TCF12: variants seen among roughly 807,000 people sequenced by gnomAD.
TCF12 encodes the protein DNA-binding protein HTF4.
A neutral mutation model predicts 86.0 loss-of-function variants in TCF12; 45 were observed. The ratio of observed to expected loss-of-function variants is 0.52; its 90% CI spans 0.41 to 0.67. The LOEUF is 0.67. Ranked by LOEUF, TCF12 falls within the 30% of genes least tolerant of loss-of-function variation. TCF12 has a pLI of 0.00. For missense variants in TCF12, 881 were observed against 859.9 expected (o/e 1.02, Z -0.31); for synonymous variants, 330 against 299.6 (o/e 1.10, Z -1.05).
At position 57,106,432 on chromosome 15, in the gene TCF12, A is replaced by C. The variant is rs563532084; in HGVS notation, c.325+14541A>C. On this transcript the variant is annotated intron_variant, in intron 5 of 20. Transcript: ENST00000333725. Reference sequence around the variant, plus strand: ...CCAAAATAAAAAGTTTGTTTAAAAAATAGTAGGCACTTTTGCGTTTGGCTA... The same window carrying C: ...CCAAAATAAAAAGTTTGTTTAAAAACTAGTAGGCACTTTTGCGTTTGGCTA... Among the ~76,000 whole-genome samples, 3 of 152,374 alleles carry C rather than the reference A, an allele frequency of 2.0e-5. No homozygotes were observed. In the East Asian group the frequency reaches 5.8e-4, roughly 29 times the overall value.
intron 3 of TCF12, among the ~76,000 whole-genome samples, chr15:57,044,976 T>G (rs1020792374): frequency 6.6e-6 from 1 of 152,160 alleles, no homozygotes; most frequent in Non-Finnish European, 1.5e-5. Flanking sequence ...TCCAGAATCA[T>G]AGTAGATTTT....
At chr15:57,255,307 C>T (rs1211310569) in intron 16 of TCF12, among the ~76,000 whole-genome samples, 1 of 152,110 alleles carries the variant, frequency 6.6e-6, no homozygotes, top group Non-Finnish European at 1.5e-5. Flanking sequence ...TCCTCCAAAG[C>T]CACCTAGAAA....
chr15:56,924,272 G>A (rs985139223), intron 3 of TCF12, among the ~76,000 whole-genome samples: 2 of 152,030 alleles, frequency 1.3e-5, no homozygotes, highest in Non-Finnish European at 2.9e-5. Flanking sequence ...CAGTCAAGAT[G>A]CAAAAACTGT....
At chr15:57,145,958 C>T (rs79383225) in intron 5 of TCF12, among the ~76,000 whole-genome samples, 3 of 152,156 alleles carry the variant, frequency 2.0e-5, no homozygotes, top group South Asian at 2.1e-4. Flanking sequence ...GTATGGTACC[C>T]GAGATTCTGA....
At chr15:56,921,276 C>T (rs1300943409) in intron 3 of TCF12, among the ~76,000 whole-genome samples, 178 bp downstream of exon 3, 4 of 152,008 alleles carry the variant, frequency 2.6e-5, no homozygotes, top group African/African-American at 9.7e-5. Flanking sequence ...CCTCAGAAAT[C>T]TGTAGGAAAT....
At chr15:57,272,950 T>C (rs183318914) in intron 18 of TCF12, 80 bp from the exon 19 acceptor site, 128 of 1,325,792 alleles carry the variant, frequency 9.7e-5, no homozygotes, top group Non-Finnish European at 1.3e-4. Context: ...TTTCCATCTT[T>C]ACGCTTTATA....
chr15:57,170,435 T>C (rs2055228875), intron 6 of TCF12, among the ~76,000 whole-genome samples: 1 of 150,990 alleles, frequency 6.6e-6, no homozygotes, highest in Non-Finnish European at 1.5e-5. Context: ...AGATAAGCAG[T>C]TTCTGCTTCC....
At chr15:56,919,867 G>A in intron 1 of TCF12, 25 bp from the exon 2 acceptor site, 1 of 1,607,150 alleles carries the variant, frequency 6.2e-7, no homozygotes, top group Non-Finnish European at 8.5e-7. Flanking sequence ...GTGGTCTCTC[G>A]CTGAGCCCGT....
At chr15:57,031,854 C>T (rs1309095569) in intron 3 of TCF12, among the ~76,000 whole-genome samples, 1 of 152,162 alleles carries the variant, frequency 6.6e-6, no homozygotes, top group Non-Finnish European at 1.5e-5. Flanking sequence ...TTTCTTACAA[C>T]TTAGTCCCAG....
At chr15:57,166,532 T>C in intron 6 of TCF12, 66 bp downstream of exon 6, 1 of 1,335,972 alleles carries the variant, frequency 7.5e-7, no homozygotes. Flanking sequence ...GCTCTATTAA[T>C]AGATGAGATA....
intron 4 of TCF12, among the ~76,000 whole-genome samples, chr15:57,072,249 T>C (rs939402333): frequency 1.5e-4 from 23 of 152,186 alleles, no homozygotes; most frequent in African/African-American, 5.3e-4. Flanking sequence ...CTGGGAAAGA[T>C]ATAAAATCAT....
chr15:57,183,864 C>A (rs1459390094), intron 6 of TCF12, among the ~76,000 whole-genome samples: 2 of 152,128 alleles, frequency 1.3e-5, no homozygotes, highest in African/African-American at 4.8e-5. Flanking sequence ...CTCGGGATAC[C>A]TAACTCCAAA....
chr15:57,035,859 A>G (rs1421236251), intron 3 of TCF12, among the ~76,000 whole-genome samples: 1 of 152,150 alleles, frequency 6.6e-6, no homozygotes, highest in African/African-American at 2.4e-5. Flanking sequence ...GCAGGAGGTG[A>G]GTGGCAAGCA....
intron 19 of TCF12, among the ~76,000 whole-genome samples, chr15:57,280,361 A>C (rs2061631695): frequency 6.6e-6 from 1 of 152,180 alleles, no homozygotes; most frequent in African/African-American, 2.4e-5. Context: ...TTCTTCCTTC[A>C]TTCATCCTCC....
At position 57,002,462 on chromosome 15, in the gene TCF12, A is replaced by G. The variant is rs145668147; in HGVS notation, c.149-61288A>G. Among the ~76,000 whole-genome samples the G allele has an allele frequency of 5.2e-3, 791 of 152,316 alleles. 11 individuals carry two copies. The highest frequency in any genetic ancestry group is 0.018 in the African/African-American group (766 of 41,566). On this transcript the variant is annotated intron_variant, in intron 3 of 20. Coordinates refer to ENST00000333725, the MANE Select transcript of TCF12 (RefSeq NM_207037.2). ...AACAAATATTATCCACCTAACACAT[A>G]TATCTTCATATTCATAAACCTGAGA...
chr15:56,979,816 T>C (rs1462104804), intron 3 of TCF12, among the ~76,000 whole-genome samples: 1 of 152,244 alleles, frequency 6.6e-6, no homozygotes, highest in Non-Finnish European at 1.5e-5. Context: ...TCTTAATGTA[T>C]GACTTCTGTG....
In TCF12 at chr15:57,180,709, A is replaced by C. The variant is rs117235593; in HGVS notation, c.391-11449A>C. Among the ~76,000 whole-genome samples the C allele has an allele frequency of 8.4e-3, 1,281 of 151,822 alleles. 10 individuals are homozygous for C. The highest frequency in any genetic ancestry group is 0.014 in the Non-Finnish European group (964 of 67,976). On this transcript the variant is annotated intron_variant, in intron 6 of 20. Transcript: ENST00000333725. ...ATATCAGTATTTTAAATTTTTGGAG[A>C]TATGTGACTATAACATATGAGGTAC... is the stretch of plus-strand genomic sequence containing the variant.
At chr15:57,243,213 TTTAAG>T (rs1256094505) in intron 12 of TCF12, among the ~76,000 whole-genome samples, 11 of 152,200 alleles carry the variant, frequency 7.2e-5, no homozygotes, top group African/African-American at 1.7e-4. Flanking sequence ...TAACAGAAAC[TTTAAG>T]TTATTTTCAC....
At chr15:57,134,855 A>G (rs770372513) in intron 5 of TCF12, among the ~76,000 whole-genome samples, 6 of 151,570 alleles carry the variant, frequency 4.0e-5, no homozygotes, top group Non-Finnish European at 7.4e-5. Flanking sequence ...AAAAAAATCT[A>G]ATTATAAAAT....
Sources: allele counts gnomAD v4.1 joint callset (sites outside exome capture counted in the v4.1 genomes callset), GRCh38; gene constraint gnomAD v4.1.1; transcripts MANE v1.5; gene names NCBI Gene and HGNC (gene_info 2026-07-23, HGNC 2026-07-21).